ZBTB44: variants seen among roughly 807,000 people sequenced by gnomAD.
The protein encoded by ZBTB44 is zinc finger and BTB domain-containing protein 44.
ZBTB44 carries 15 observed loss-of-function variants against 54.0 expected under a neutral mutation model. The ratio of observed to expected loss-of-function variants is 0.28; its 90% CI spans 0.19 to 0.43. The LOEUF (loss-of-function observed/expected upper bound fraction) is 0.43. ZBTB44 is among the 20% of genes least tolerant of loss of function. ZBTB44 has a pLI of 1.00. For missense variants in ZBTB44, 487 were observed against 707.1 expected (o/e 0.69, Z 3.53); for synonymous variants, 230 against 250.1 (o/e 0.92, Z 0.76).
intron 1 of ZBTB44, among the ~76,000 whole-genome samples, chr11:130,288,647 C>T (rs1941119725): frequency 6.6e-6 from 1 of 151,934 alleles, no homozygotes; most frequent in Non-Finnish European, 1.5e-5. Context: ...CCTGTAATCC[C>T]AGCACTTTGG....
chr11:130,281,248 G>A lies in ZBTB44; in HGVS notation c.-56-19319C>T, dbSNP rs190728036. 5.9e-5 allele frequency among the ~76,000 whole-genome samples: 9 copies of A among 152,202 alleles called. 1 individual carries two copies. The East Asian group carries it at 1.4e-3, about 23-fold the overall frequency. On this transcript the variant is annotated intron_variant, in intron 1 of 7. Coordinates refer to ENST00000357899, the MANE Select transcript of ZBTB44 (RefSeq NM_001301098.2). ...AGAAGCCAGAAAACAGGCCGGGCGCGGTGGCTCACGCCTGTAATCCCAGCA... is the reference window on the plus strand; with the variant it reads ...AGAAGCCAGAAAACAGGCCGGGCGCAGTGGCTCACGCCTGTAATCCCAGCA...
chr11:130,255,999 A>T (rs565469115), intron 2 of ZBTB44, among the ~76,000 whole-genome samples: 1 of 152,114 alleles, frequency 6.6e-6, no homozygotes, highest in Non-Finnish European at 1.5e-5. Context: ...TTCACCAGAC[A>T]GATTCACAGC....
chr11:130,313,376 T>C (rs1942738360), intron 1 of ZBTB44, among the ~76,000 whole-genome samples: 1 of 152,226 alleles, frequency 6.6e-6, no homozygotes, highest in Non-Finnish European at 1.5e-5. Context: ...ACATTACTAA[T>C]AATCCTAAAA....
intron 1 of ZBTB44, among the ~76,000 whole-genome samples, chr11:130,300,594 A>G (rs1941936822): frequency 1.3e-5 from 2 of 152,226 alleles, no homozygotes; most frequent in South Asian, 2.1e-4. Flanking sequence ...AGAGATAGAT[A>G]CACAGAATAA....
rs768244176 is a variant in ZBTB44, at chr11:130,261,003, C to G, written c.871G>C (p.Val291Leu). ...LGTEEDVRVK[V>L]ERLSDEEVHE... is the part of the protein sequence containing the mutation. ...ACCTCCTCATCACTTAATCTTTCTA[C>G]TTTGACCCGGACATCTTCTTCGGTA... The change falls in exon 2 of 8, where the codon GTA becomes CTA. Residue 291 changes from valine (V) to leucine (L), a missense_variant. Transcript: ENST00000357899. The surrounding 1 kb of genome is among the most constrained non-coding windows in gnomAD (Gnocchi z 4.8). The G allele has an allele frequency of 6.2e-7, 1 of 1,613,846 alleles. No individual in the cohort carries two copies. The highest frequency in any genetic ancestry group is 8.5e-7 in the Non-Finnish European group (1 of 1,179,902).
At chr11:130,273,454 C>A (rs1939829781) in intron 1 of ZBTB44, among the ~76,000 whole-genome samples, 1 of 151,878 alleles carries the variant, frequency 6.6e-6, no homozygotes, top group Admixed American at 6.6e-5. Context: ...GGACTACGGG[C>A]ATGGGCCACC....
chr11:130,251,085 T>G (rs1937960573), intron 2 of ZBTB44, among the ~76,000 whole-genome samples: 2 of 152,104 alleles, frequency 1.3e-5, no homozygotes, highest in South Asian at 4.1e-4. Context: ...AATAACCCGT[T>G]TACGGAAGAA....
chr11:130,308,913 G>C (rs888048581), intron 1 of ZBTB44, among the ~76,000 whole-genome samples: 1 of 152,188 alleles, frequency 6.6e-6, no homozygotes, highest in African/African-American at 2.4e-5. Flanking sequence ...AGGCGGGTGG[G>C]AAAAGGGTAC....
intron 4 of ZBTB44, among the ~76,000 whole-genome samples, 155 bp downstream of exon 4, chr11:130,238,289 T>C (rs1465277410): frequency 6.6e-6 from 1 of 152,248 alleles, no homozygotes; most frequent in East Asian, 1.9e-4. Flanking sequence ...TGACACTGCA[T>C]CATTTCAGCA....
intron 2 of ZBTB44, among the ~76,000 whole-genome samples, chr11:130,259,750 C>T (rs1174426582): frequency 1.4e-5 from 2 of 143,718 alleles, no homozygotes; most frequent in Non-Finnish European, 3.0e-5. Flanking sequence ...GGGAGTTAAA[C>T]AATGAGAACC....
chr11:130,283,034 CCTTT>C (rs1456048346), intron 1 of ZBTB44, among the ~76,000 whole-genome samples: 7 of 144,632 alleles, frequency 4.8e-5, no homozygotes, highest in South Asian at 2.2e-4. Context: ...GCCATTCTAA[CCTTT>C]TTTTTTTTTT....
At chr11:130,252,111 G>A (rs527771776) in intron 2 of ZBTB44, among the ~76,000 whole-genome samples, 23 of 152,172 alleles carry the variant, frequency 1.5e-4, no homozygotes, top group African/African-American at 4.8e-4. Flanking sequence ...AAAAAAAGAA[G>A]CAGGGGCTGC....
chr11:130,308,586 G>A (rs1335397013), intron 1 of ZBTB44, among the ~76,000 whole-genome samples: 1 of 152,160 alleles, frequency 6.6e-6, no homozygotes, highest in East Asian at 1.9e-4. Context: ...TAGCACAGCT[G>A]GCATACAGAA....
chr11:130,272,412 T>C lies in ZBTB44; in HGVS notation c.-56-10483A>G, dbSNP rs112707600. 9.0e-3 allele frequency among the ~76,000 whole-genome samples: 1,364 copies of C among 152,332 alleles called. 24 individuals are homozygous for C. The highest frequency in any genetic ancestry group is 0.03 in the African/African-American group (1,231 of 41,584). ...CATGTGCTTACTGGACATTAGTGTA[T>C]CTTCCTTGTCCATTTGGAGCTCTGC... On this transcript the variant is annotated intron_variant, in intron 1 of 7. Coordinates refer to ENST00000357899, the MANE Select transcript of ZBTB44 (RefSeq NM_001301098.2).
chr11:130,244,990 C>T (rs944892164), intron 2 of ZBTB44, among the ~76,000 whole-genome samples: 2 of 152,194 alleles, frequency 1.3e-5, no homozygotes, highest in Non-Finnish European at 2.9e-5. Context: ...AAATGAAGGA[C>T]ACCATATAGA....
intron 1 of ZBTB44, among the ~76,000 whole-genome samples, chr11:130,294,590 C>T (rs76875500): frequency 0.015 from 1,889 of 130,004 alleles, 45 homozygotes; most frequent in African/African-American, 0.05. Flanking sequence ...CCAGTTATTT[C>T]TCCCCACCCC....
intron 6 of ZBTB44, 130 bp from the exon 7 acceptor site, chr11:130,233,512 G>A (rs1214607169): frequency 6.9e-7 from 1 of 1,451,928 alleles, no homozygotes; most frequent in African/African-American, 1.4e-5. Context: ...TTTTAAGAAA[G>A]CTTACCATAA....
intron 5 of ZBTB44, among the ~76,000 whole-genome samples, chr11:130,235,416 T>G (rs1010689918): frequency 2.6e-5 from 4 of 152,176 alleles, no homozygotes; most frequent in African/African-American, 9.7e-5. Flanking sequence ...AACCACACAT[T>G]CAGAATTAGA....
intron 1 of ZBTB44, among the ~76,000 whole-genome samples, chr11:130,269,861 A>G (rs571041325): frequency 6.6e-6 from 1 of 152,214 alleles, no homozygotes; most frequent in Non-Finnish European, 1.5e-5. Flanking sequence ...TTAAATTAGC[A>G]CAATTCCTGG....
Sources: allele counts gnomAD v4.1 joint callset (sites outside exome capture counted in the v4.1 genomes callset), GRCh38; gene constraint gnomAD v4.1.1; non-coding constraint Gnocchi (gnomAD v3.1); transcripts MANE v1.5; gene names NCBI Gene and HGNC (gene_info 2026-07-23, HGNC 2026-07-21).